The following BATF variants were observed in gnomAD, a reference collection of about 807,000 sequenced individuals.
BATF encodes the protein basic leucine zipper ATF-like transcription factor.
In BATF, 5 loss-of-function variants were observed where a neutral mutation model predicts 13.7. The ratio of observed to expected loss-of-function variants is 0.36; its 90% confidence interval spans 0.19 to 0.77. BATF has a LOEUF of 0.77. Ranked by LOEUF, BATF falls within the 30% of genes least tolerant of loss-of-function variation. The pLI is 0.51. For synonymous variants in BATF, 72 were observed against 67.5 expected (o/e 1.07, Z -0.33); for missense variants, 124 against 163.0 (o/e 0.76, Z 1.30).
chr14:75,538,787 G>A (rs1195623241), intron 2 of BATF, among the ~76,000 whole-genome samples: 1 of 152,204 alleles, frequency 6.6e-6, no homozygotes, highest in East Asian at 1.9e-4. Context: ...CGTAGTCCCA[G>A]CTACTAGGGA....
rs975717246 is a variant in BATF at position 75,522,565 on chromosome 14, G to A, written c.-118G>A. ...GGTGGCTACAGGGCAGGCAGAGGAG[G>A]CACCTGTAGGGGGTGGTGGGCTGGT... is the stretch of plus-strand genomic sequence containing the variant. On this transcript the variant is annotated 5_prime_UTR_variant, in exon 1 of 3. Transcript: ENST00000286639. The A allele has an allele frequency of 6.4e-5, 72 of 1,124,808 alleles. No individual in the cohort carries two copies. In the African/African-American group the frequency reaches 1.0e-3, roughly 16 times the overall value. The allele number at this position is 1,124,808 out of a possible 1,614,324, so 69.7% of individuals were successfully genotyped here.
At chr14:75,544,070 C>T (rs1378064772) in intron 2 of BATF, among the ~76,000 whole-genome samples, 6 of 152,052 alleles carry the variant, frequency 3.9e-5, no homozygotes, top group Non-Finnish European at 8.8e-5. Flanking sequence ...ATACTATGTG[C>T]CAGGCATTGA....
At chr14:75,529,080 G>T (rs1887694951) in intron 2 of BATF, among the ~76,000 whole-genome samples, 1 of 152,024 alleles carries the variant, frequency 6.6e-6, no homozygotes, top group Non-Finnish European at 1.5e-5. Context: ...GGGTTTTCTG[G>T]GATTTGGGCA....
intron 2 of BATF, among the ~76,000 whole-genome samples, chr14:75,536,585 T>G (rs1291476904): frequency 6.6e-6 from 1 of 151,800 alleles, no homozygotes; most frequent in African/African-American, 2.4e-5. Context: ...TTTTTAAATA[T>G]CCAGGCATGC....
intron 2 of BATF, among the ~76,000 whole-genome samples, chr14:75,531,563 G>T (rs1399347428): frequency 1.3e-5 from 2 of 152,190 alleles, no homozygotes; most frequent in Non-Finnish European, 2.9e-5. Context: ...TGGGCCAGGT[G>T]CTTGCCTGGG....
At position 75,522,580 on chromosome 14, in the gene BATF, G is replaced by T; in HGVS notation, c.-103G>T. The stretch of plus-strand genomic sequence containing the variant: ...GGCAGAGGAGGCACCTGTAGGGGGT[G>T]GTGGGCTGGTGGCCCAGGAGAAGTC... On this transcript the variant is annotated 5_prime_UTR_variant, in exon 1 of 3. Transcript: ENST00000286639. 7.5e-7 allele frequency: 1 copy of T among 1,326,566 alleles called. No homozygotes were observed. 82.2% of individuals were successfully genotyped at this position (1,326,566 alleles called of 1,614,324 possible).
At chr14:75,524,318 T>C (rs1425330624) in intron 1 of BATF, among the ~76,000 whole-genome samples, 1 of 152,194 alleles carries the variant, frequency 6.6e-6, no homozygotes, top group African/African-American at 2.4e-5. Context: ...ACGTTCTTTT[T>C]GGCATTGATG....
chr14:75,541,676 T>G (rs1236751929), intron 2 of BATF, among the ~76,000 whole-genome samples: 1 of 152,072 alleles, frequency 6.6e-6, no homozygotes, highest in African/African-American at 2.4e-5. Context: ...TTTTGTTTTG[T>G]TTTTTGAGAC....
rs1188378527 is a variant in BATF at position 75,540,840 on chromosome 14, C to T, written c.169-5622C>T. Among the ~76,000 whole-genome samples, 10 of 152,204 alleles carry T rather than the reference C, an allele frequency of 6.6e-5. No individual in the cohort carries two copies. The East Asian group carries it at 1.7e-3, about 26-fold the overall frequency. ...ATGATTCACGCCTGAAATCCCAGAA[C>T]TTTGGGAGGCTGAGGCAGGCGGATC... On this transcript the variant is annotated intron_variant, in intron 2 of 2. Transcript: ENST00000286639.
Position 75,544,562 on chromosome 14 carries a change from C to CAGGAAAAAAA in BATF, c.169-1899_169-1898insGGAAAAAAAA, listed in dbSNP as rs754402071. 6.1e-5 allele frequency among the ~76,000 whole-genome samples: 2 copies of CAGGAAAAAAA among 33,020 alleles called. 1 individual carries two copies. Among genetic ancestry groups the CAGGAAAAAAA allele is most frequent in the Non-Finnish European group, 1.2e-4 (2 of 16,458 alleles). 21.7% of individuals were successfully genotyped at this position (33,020 alleles called of 152,430 possible). On this transcript the variant is annotated intron_variant, in intron 2 of 2. Transcript: ENST00000286639. ...CCTGGGTGACAGAGTGAGACTGTCTCAAAAAAAAAAAAAAAAAAAAAAAAA... is the reference window on the plus strand; with the variant it reads ...CCTGGGTGACAGAGTGAGACTGTCTCAGGAAAAAAAAAAAAAAAAAAAAAAAAAAAAAAAA...
In BATF at chr14:75,546,773, C is replaced by G. The variant is rs1887994403; in HGVS notation, c.*102C>G. On this transcript the variant is annotated 3_prime_UTR_variant, in exon 3 of 3. Transcript: ENST00000286639. The stretch of plus-strand genomic sequence containing the variant: ...CCCTGTCCACCTGGAGACCCGGAGA[C>G]AGAGGCCTGGACAAGGAGTGAACAC... The G allele has an allele frequency of 7.3e-7, 1 of 1,366,818 alleles. No individual in the cohort carries two copies. Among genetic ancestry groups the G allele is most frequent in the Non-Finnish European group, 9.9e-7 (1 of 1,010,366 alleles). 84.7% of individuals were successfully genotyped at this position (1,366,818 alleles called of 1,614,324 possible). A position where few individuals can be genotyped will look rare whatever the true frequency, so the allele number is the denominator to read the frequency against.
chr14:75,528,052 T>C (rs946286650), intron 2 of BATF, among the ~76,000 whole-genome samples: 21 of 152,198 alleles, frequency 1.4e-4, no homozygotes, highest in African/African-American at 5.1e-4. Flanking sequence ...CTTAATTATG[T>C]CTGAGATTCA....
chr14:75,546,236 T>A (rs989478215), intron 2 of BATF, among the ~76,000 whole-genome samples: 1 of 152,188 alleles, frequency 6.6e-6, no homozygotes, highest in Non-Finnish European at 1.5e-5. Context: ...TATCTATGTG[T>A]ATACATGCAC....
intron 2 of BATF, among the ~76,000 whole-genome samples, chr14:75,530,519 C>T (rs1488173201): frequency 6.6e-6 from 1 of 152,104 alleles, no homozygotes; most frequent in Non-Finnish European, 1.5e-5. Flanking sequence ...AATTATTGTC[C>T]ATTCTGTGGA....
intron 2 of BATF, among the ~76,000 whole-genome samples, chr14:75,527,938 T>A (rs1281284952): frequency 6.6e-6 from 1 of 152,236 alleles, no homozygotes; most frequent in African/African-American, 2.4e-5. Context: ...GGTAGAAGCT[T>A]TTGGCAGCAA....
chr14:75,533,853 G>A (rs1887776370), intron 2 of BATF, among the ~76,000 whole-genome samples: 1 of 152,152 alleles, frequency 6.6e-6, no homozygotes, highest in Non-Finnish European at 1.5e-5. Context: ...TTCCAATGAG[G>A]AAACTGAGGA....
Position 75,522,700 on chromosome 14 carries a change from C to A in BATF, c.18C>A (p.Asp6Glu), listed in dbSNP as rs753694920. MPHSS[D>E]SSDSSFSRSP... ...TTTCAGCCATGCCTCACAGCTCCGA[C>A]AGCAGTGACTCCAGCTTCAGCCGCT... The change falls in exon 1 of 3, where the codon GAC becomes GAA. Residue 6 changes from aspartate (D) to glutamate (E), a missense_variant. Transcript: ENST00000286639. The A allele has an allele frequency of 3.1e-6, 5 of 1,614,158 alleles. No homozygotes were observed. The highest frequency in any genetic ancestry group is 1.1e-5 in the South Asian group (1 of 91,084).
chr14:75,528,057 G>C (rs1041025798), intron 2 of BATF, among the ~76,000 whole-genome samples: 13 of 152,132 alleles, frequency 8.5e-5, no homozygotes, highest in African/African-American at 3.1e-4. Flanking sequence ...TTATGTCTGA[G>C]ATTCAGGTGA....
chr14:75,522,888 A>C, intron 1 of BATF, 143 bp downstream of exon 1: 1 of 933,782 alleles, frequency 1.1e-6, no homozygotes, highest in Non-Finnish European at 1.7e-6. Flanking sequence ...TAGGACATGG[A>C]ATTTGCTACT....
Sources: gnomAD v4.1 joint callset for allele counts (sites outside exome capture counted in the v4.1 genomes callset) on GRCh38, gnomAD v4.1.1 for gene constraint, MANE v1.5 for transcripts, NCBI Gene and HGNC (gene_info 2026-07-23, HGNC 2026-07-21) for gene names.